Variants in USH2A observed in about 807,000 individuals in gnomAD.
USH2A encodes the protein Usher syndrome 2A (autosomal recessive, mild).
USH2A carries 443 observed loss-of-function variants against 538.9 expected under a neutral mutation model. That is an observed-to-expected ratio of 0.82 (90% CI 0.76 to 0.89). The LOEUF is 0.89. Among genes scored for constraint, USH2A ranks in the 40% least tolerant of loss-of-function variants. USH2A has a pLI of 0.00. For synonymous variants in USH2A, 2,413 were observed against 2,273.5 expected, an observed-to-expected ratio of 1.06 and a Z score of -1.75; for missense variants, 6,633 against 6,324.8, an observed-to-expected ratio of 1.05 and a Z score of -1.65.
At chr1:216,415,201 C>T (rs1437127765) in intron 3 of USH2A, among the ~76,000 whole-genome samples, 1 of 152,050 alleles carries the variant, frequency 6.6e-6, no homozygotes, top group African/African-American at 2.4e-5. Flanking sequence ...TTGTGCTACA[C>T]TCCACACTCC....
chr1:216,226,145 A>G (rs1272480644), intron 14 of USH2A, among the ~76,000 whole-genome samples: 4 of 152,216 alleles, frequency 2.6e-5, no homozygotes, highest in Non-Finnish European at 5.9e-5. Context: ...AGTCATGAGA[A>G]GCAATCATAA....
intron 21 of USH2A, among the ~76,000 whole-genome samples, chr1:216,126,470 G>T (rs2033257137): frequency 6.6e-6 from 1 of 152,128 alleles, no homozygotes; most frequent in South Asian, 2.1e-4. Context: ...TGATCTGCCT[G>T]CCTTGGCCTC....
intron 61 of USH2A, among the ~76,000 whole-genome samples, chr1:215,695,081 G>A (rs921945738): frequency 2.6e-5 from 4 of 151,958 alleles, no homozygotes; most frequent in Non-Finnish European, 4.4e-5. Context: ...TACTTTTTTC[G>A]CAGTTGCTAG....
At position 216,068,715 on chromosome 1, in the gene USH2A, GA is replaced by G. The variant is rs1407077259; in HGVS notation, c.6049+1385del. On this transcript the variant is annotated intron_variant, in intron 30 of 71. Coordinates refer to ENST00000307340, the MANE Select transcript of USH2A (RefSeq NM_206933.4). ...AGGATAAGAGAAGCTTTGTAAAACA[GA>G]AAGGAAAAAAAGCGTGAAAATTAAA... Among the ~76,000 whole-genome samples, 7 of 151,896 alleles carry G rather than the reference GA, an allele frequency of 4.6e-5. No homozygotes were observed. The South Asian group carries it at 6.2e-4, about 14-fold the overall frequency.
At chr1:216,358,534 T>C (rs1372978127) in intron 4 of USH2A, among the ~76,000 whole-genome samples, 2 of 152,134 alleles carry the variant, frequency 1.3e-5, no homozygotes, top group African/African-American at 4.8e-5. Flanking sequence ...CATAGGAACA[T>C]TCTGTACCTA....
chr1:215,803,153 A>C (rs963821006), intron 49 of USH2A, among the ~76,000 whole-genome samples: 28 of 152,174 alleles, frequency 1.8e-4, no homozygotes, highest in Non-Finnish European at 3.7e-4. Flanking sequence ...AGAGCTATCT[A>C]TGACAAACCC....
At chr1:216,041,303 T>C (rs994609630) in intron 32 of USH2A, among the ~76,000 whole-genome samples, 1 of 152,038 alleles carries the variant, frequency 6.6e-6, no homozygotes, top group Non-Finnish European at 1.5e-5. Context: ...AAATTTGAAC[T>C]GTATGCATTT....
At chr1:215,797,402 A>G (rs1431066631) in intron 50 of USH2A, among the ~76,000 whole-genome samples, 17 of 152,222 alleles carry the variant, frequency 1.1e-4, no homozygotes, top group Admixed American at 1.1e-3. Context: ...TGTAGATGAA[A>G]TAGCCTTGTA....
At chr1:215,922,427 C>A (rs967775095) in intron 38 of USH2A, among the ~76,000 whole-genome samples, 1 of 152,058 alleles carries the variant, frequency 6.6e-6, no homozygotes, top group Non-Finnish European at 1.5e-5. Context: ...AGACCTCTGG[C>A]CCTACGAATG....
chr1:216,197,535 C>T (rs1357258710), intron 18 of USH2A, among the ~76,000 whole-genome samples: 1 of 152,060 alleles, frequency 6.6e-6, no homozygotes, highest in South Asian at 2.1e-4. Context: ...AAGCACAATG[C>T]GTATTTTATT....
intron 54 of USH2A, among the ~76,000 whole-genome samples, chr1:215,780,614 A>T (rs887979670): frequency 6.6e-6 from 1 of 152,250 alleles, no homozygotes; most frequent in African/African-American, 2.4e-5. Flanking sequence ...TACTTAGTCA[A>T]TATTGTCAAA....
chr1:215,739,765 T>C (rs1391813951), intron 60 of USH2A, among the ~76,000 whole-genome samples: 4 of 152,204 alleles, frequency 2.6e-5, no homozygotes, highest in African/African-American at 9.7e-5. Flanking sequence ...CTTTCTCCTT[T>C]CGTAATTTTT....
At chr1:215,688,109 T>G (rs1219694016) in intron 61 of USH2A, among the ~76,000 whole-genome samples, 1 of 152,068 alleles carries the variant, frequency 6.6e-6, no homozygotes, top group East Asian at 1.9e-4. Flanking sequence ...CAAGGGCGGG[T>G]AAGAAAGGTC....
At chr1:215,927,732 G>A (rs1162526572) in intron 38 of USH2A, among the ~76,000 whole-genome samples, 1 of 151,936 alleles carries the variant, frequency 6.6e-6, no homozygotes, top group Admixed American at 6.6e-5. Context: ...ATATATCCAT[G>A]TGACAAGCCT....
intron 38 of USH2A, among the ~76,000 whole-genome samples, chr1:215,929,707 T>C (rs1385406178): frequency 6.6e-6 from 1 of 152,036 alleles, no homozygotes; most frequent in Non-Finnish European, 1.5e-5. Context: ...TCCAGTCAGG[T>C]GGGAATTACC....
chr1:215,998,935 A>T lies in USH2A; in HGVS notation c.6609T>A (p.His2203Gln), dbSNP rs1262742260. The T allele has an allele frequency of 6.2e-7, 1 of 1,613,310 alleles. No individual in the cohort carries two copies. Among genetic ancestry groups the T allele is most frequent in the Non-Finnish European group, 8.5e-7 (1 of 1,179,610 alleles). Residue 2203 changes from histidine (H) to glutamine (Q), a missense_variant, in exon 34 of 72, where the codon CAT (histidine) becomes CAA (glutamine). By Grantham distance (24) the His-to-Gln change is conservative (BLOSUM62 0). Coordinates refer to ENST00000307340, the MANE Select transcript of USH2A (RefSeq NM_206933.4). ...IYNSTELFQD[H>Q]MLQYVLPGNK... ...TACCAGGTAAAACGTATTGTAGCAT[A>T]TGATCCTGGAAAAGTTCTGTACTGT...
intron 32 of USH2A, among the ~76,000 whole-genome samples, chr1:216,034,780 C>T (rs961671150): frequency 6.6e-6 from 1 of 152,176 alleles, no homozygotes; most frequent in Non-Finnish European, 1.5e-5. Context: ...TTCTCCCCTA[C>T]AGTTTTCAGA....
intron 64 of USH2A, among the ~76,000 whole-genome samples, chr1:215,670,415 G>A (rs1195928594): frequency 2.6e-5 from 4 of 152,146 alleles, no homozygotes; most frequent in Non-Finnish European, 5.9e-5. Flanking sequence ...GTCCTCCACA[G>A]AATTCACCAT....
chr1:216,020,357 G>T (rs2102500586), intron 32 of USH2A, among the ~76,000 whole-genome samples: 1 of 152,164 alleles, frequency 6.6e-6, no homozygotes, highest in Admixed American at 6.5e-5. Context: ...ACATAGTATG[G>T]GTTGGCCACA....
Sources: gnomAD v4.1 joint callset for allele counts (sites outside exome capture counted in the v4.1 genomes callset) on GRCh38, gnomAD v4.1.1 for gene constraint, MANE v1.5 for transcripts, NCBI Gene and HGNC (gene_info 2026-07-23, HGNC 2026-07-21) for gene names.